TLN2: variants seen among roughly 807,000 people sequenced by gnomAD.
TLN2 encodes the protein talin 2, also known as talin-2.
Under a neutral mutation model 294.7 loss-of-function variants are expected in TLN2, and 118 were observed. The ratio of observed to expected loss-of-function variants is 0.40; its 90% CI spans 0.34 to 0.47. TLN2 has a LOEUF of 0.47. Among genes scored for constraint, TLN2 ranks in the 20% least tolerant of loss-of-function variants. The pLI, the probability that TLN2 is intolerant of heterozygous loss-of-function variation, is 0.84. For missense variants in TLN2, 3,083 were observed against 3,282.2 expected (o/e 0.94, Z 1.48); for synonymous variants, 1,431 against 1,304.5 (o/e 1.10, Z -2.09).
chr15:62,821,674 T>A (rs1477467834), intron 54 of TLN2, among the ~76,000 whole-genome samples: 1 of 152,152 alleles, frequency 6.6e-6, no homozygotes, highest in Non-Finnish European at 1.5e-5. Flanking sequence ...CTTAAACGTT[T>A]TCTCATCAAG....
intron 35 of TLN2, among the ~76,000 whole-genome samples, chr15:62,753,276 A>G (rs1332822411): frequency 1.3e-5 from 2 of 152,044 alleles, no homozygotes; most frequent in Non-Finnish European, 2.9e-5. Flanking sequence ...ATACTGACCT[A>G]AGCAATAAGG....
chr15:62,439,607 G>A lies in TLN2; in HGVS notation c.-238+48922G>A, dbSNP rs530934375. ...GGATTACAGGTGTGAGCCACCGTGC[G>A]CCTATCTTAGCCAGTTTTTATGGAT... On this transcript the variant is annotated intron_variant, in intron 1 of 58. Transcript: ENST00000636159. 3.3e-5 allele frequency among the ~76,000 whole-genome samples: 5 copies of A among 152,152 alleles called. No individual in the cohort carries two copies. The East Asian group carries it at 7.7e-4, about 24-fold the overall frequency.
chr15:62,819,472 G>T, intron 52 of TLN2, 44 bp from the exon 53 acceptor site: 1 of 1,515,870 alleles, frequency 6.6e-7, no homozygotes, highest in South Asian at 1.1e-5. Context: ...CTGTCCCAGT[G>T]GTTACTATCC....
intron 50 of TLN2, 22 bp downstream of exon 50, chr15:62,800,791 C>A: frequency 6.3e-7 from 1 of 1,590,530 alleles, no homozygotes; most frequent in Non-Finnish European, 8.6e-7. Context: ...GCAGTTACCT[C>A]CCTTGGGTAC....
chr15:62,579,194 T>A (rs1232647605), intron 1 of TLN2, among the ~76,000 whole-genome samples: 1 of 152,060 alleles, frequency 6.6e-6, no homozygotes, highest in Non-Finnish European at 1.5e-5. Flanking sequence ...ATAGCGAATA[T>A]GCAAAAAAAT....
intron 54 of TLN2, among the ~76,000 whole-genome samples, chr15:62,825,202 C>T (rs2141218633): frequency 6.6e-6 from 1 of 152,250 alleles, no homozygotes; most frequent in South Asian, 2.1e-4. Flanking sequence ...CCAATCAGTC[C>T]CTCCTTCACA....
At chr15:62,798,175 A>G (rs1367199452) in intron 48 of TLN2, among the ~76,000 whole-genome samples, 1 of 152,158 alleles carries the variant, frequency 6.6e-6, no homozygotes, top group Non-Finnish European at 1.5e-5. Context: ...GGCAGCAGCC[A>G]GATGGGGGTG....
At chr15:62,753,318 C>G (rs1197559422) in intron 35 of TLN2, among the ~76,000 whole-genome samples, 2 of 152,080 alleles carry the variant, frequency 1.3e-5, no homozygotes, top group Non-Finnish European at 2.9e-5. Flanking sequence ...GATGAGGAAC[C>G]CTAGGACAGG....
chr15:62,472,480 G>C (rs1457562892), intron 1 of TLN2, among the ~76,000 whole-genome samples: 1 of 152,192 alleles, frequency 6.6e-6, no homozygotes, highest in Non-Finnish European at 1.5e-5. Flanking sequence ...ACTCAAGTAG[G>C]CACTTCTCCC....
chr15:62,701,482 A>T (rs564768637), intron 17 of TLN2, among the ~76,000 whole-genome samples: 1 of 152,136 alleles, frequency 6.6e-6, no homozygotes, highest in South Asian at 2.1e-4. Context: ...AGTGTGCCGG[A>T]CATACTGCAA....
chr15:62,680,854 T>G (rs1356084956), intron 11 of TLN2, among the ~76,000 whole-genome samples: 1 of 152,212 alleles, frequency 6.6e-6, no homozygotes, highest in Non-Finnish European at 1.5e-5. Context: ...TCCTGTGTTA[T>G]TCACGTAAAA....
At chr15:62,742,529 A>G (rs1026858878) in intron 32 of TLN2, among the ~76,000 whole-genome samples, 3 of 152,184 alleles carry the variant, frequency 2.0e-5, no homozygotes, top group African/African-American at 4.8e-5. Context: ...AGCCAGATAT[A>G]GAAGGAAACA....
chr15:62,577,628 G>A (rs982483250), intron 1 of TLN2, among the ~76,000 whole-genome samples: 2 of 152,148 alleles, frequency 1.3e-5, no homozygotes, highest in African/African-American at 2.4e-5. Context: ...AATTGTTGAA[G>A]CTGAGTGATG....
At chr15:62,444,296 G>A (rs932635145) in intron 1 of TLN2, among the ~76,000 whole-genome samples, 1 of 152,226 alleles carries the variant, frequency 6.6e-6, no homozygotes, top group African/African-American at 2.4e-5. Context: ...TCTCCATGGA[G>A]GTGACAAATC....
At chr15:62,815,761 A>G (rs1043407421) in intron 52 of TLN2, among the ~76,000 whole-genome samples, 2 of 152,226 alleles carry the variant, frequency 1.3e-5, no homozygotes, top group African/African-American at 4.8e-5. Flanking sequence ...AGCAGCATCC[A>G]TGTACCCATC....
At chr15:62,825,845 AAATATAT>A (rs1293319641) in intron 54 of TLN2, among the ~76,000 whole-genome samples, 21 of 76,958 alleles carry the variant, frequency 2.7e-4, no homozygotes, top group South Asian at 1.7e-3. Flanking sequence ...TAATATATAT[AAATATAT>A]TATATATATA....
chr15:62,410,900 A>G (rs531538069), intron 1 of TLN2, among the ~76,000 whole-genome samples: 1 of 152,362 alleles, frequency 6.6e-6, no homozygotes, highest in South Asian at 2.1e-4. Context: ...TGCATTCTCC[A>G]ACGCATAGTG....
chr15:62,588,360 G>C (rs989665102), intron 1 of TLN2, among the ~76,000 whole-genome samples: 2 of 151,672 alleles, frequency 1.3e-5, no homozygotes, highest in Non-Finnish European at 2.9e-5. Flanking sequence ...AGAAATAAGG[G>C]CGCAGCGGCT....
chr15:62,427,971 C>A (rs1230679652), intron 1 of TLN2, among the ~76,000 whole-genome samples: 1 of 152,160 alleles, frequency 6.6e-6, no homozygotes, highest in African/African-American at 2.4e-5. Context: ...TGACACATAT[C>A]TTCCTCACTC....
Sources: allele counts gnomAD v4.1 joint callset (sites outside exome capture counted in the v4.1 genomes callset), GRCh38; gene constraint gnomAD v4.1.1; transcripts MANE v1.5; gene names NCBI Gene and HGNC (gene_info 2026-07-23, HGNC 2026-07-21).